The following CNTN3 variants were observed in gnomAD, a reference collection of about 807,000 sequenced individuals.
CNTN3 encodes contactin-3.
A neutral mutation model predicts 119.1 loss-of-function variants in CNTN3; 60 were observed. The ratio of observed to expected loss-of-function variants is 0.50; its 90% CI spans 0.41 to 0.62. The LOEUF is 0.62. Among genes scored for constraint, CNTN3 ranks in the 20% least tolerant of loss-of-function variants. The pLI is 0.00. For missense variants in CNTN3, 1,101 were observed against 1,242.4 expected, an observed-to-expected ratio of 0.89 and a Z score of 1.71; for synonymous variants, 450 against 438.7, an observed-to-expected ratio of 1.03 and a Z score of -0.32.
rs189530346 is a variant in CNTN3 at position 74,569,496 on chromosome 3, C to T, written c.-81+44895G>A. On this transcript the variant is annotated intron_variant, in intron 1 of 22. Transcript: ENST00000263665. Reference sequence around the variant, plus strand: ...CCCAAGCCCAGTGTCTCCCAGGGAACGTTTCTCTTGGGAGAGAAAGCTCAC... The same window carrying T: ...CCCAAGCCCAGTGTCTCCCAGGGAATGTTTCTCTTGGGAGAGAAAGCTCAC... Among the ~76,000 whole-genome samples, 279 of 152,268 alleles carry T rather than the reference C, an allele frequency of 1.8e-3. 2 individuals are homozygous for T. The highest frequency in any genetic ancestry group is 3.1e-3 in the Non-Finnish European group (212 of 68,024).
rs987421792 is a variant in CNTN3 at position 74,422,230 on chromosome 3, C to T, written c.454+2615G>A. On this transcript the variant is annotated intron_variant, in intron 5 of 22. Coordinates refer to ENST00000263665, the MANE Select transcript of CNTN3 (RefSeq NM_020872.3). ...TCCGCATTACAGACACTTGGATCAA[C>T]GAGCATCACACTTTTTAGCATCTAA... Among the ~76,000 whole-genome samples, 49 of 152,234 alleles carry T rather than the reference C, an allele frequency of 3.2e-4. 1 individual carries two copies. Among genetic ancestry groups the T allele is most frequent in the African/African-American group, 1.0e-3 (43 of 41,546 alleles).
At chr3:74,306,428 T>C (rs1702565001) in intron 13 of CNTN3, among the ~76,000 whole-genome samples, 1 of 152,126 alleles carries the variant, frequency 6.6e-6, no homozygotes, top group African/African-American at 2.4e-5. Context: ...ATACTTTGAA[T>C]AAAAAATAGC....
intron 2 of CNTN3, among the ~76,000 whole-genome samples, chr3:74,504,850 G>T (rs1703225955): frequency 6.6e-6 from 1 of 152,106 alleles, no homozygotes; most frequent in Admixed American, 6.6e-5. Context: ...GCCCAAGAGG[G>T]TGTATTCATT....
chr3:74,507,456 T>TTGTA (rs1703283078), intron 2 of CNTN3, among the ~76,000 whole-genome samples: 1 of 150,508 alleles, frequency 6.6e-6, no homozygotes, highest in Non-Finnish European at 1.5e-5. Flanking sequence ...GACTTAGTGA[T>TTGTA]TGTATTTTGT....
chr3:74,597,825 G>A (rs758220835), intron 1 of CNTN3, among the ~76,000 whole-genome samples: 96 of 152,122 alleles, frequency 6.3e-4, no homozygotes, highest in Non-Finnish European at 1.2e-3. Context: ...ATGTGGTAAT[G>A]ATGAAGAAAA....
chr3:74,523,674 A>G (rs977069064), intron 1 of CNTN3, among the ~76,000 whole-genome samples: 48 of 151,880 alleles, frequency 3.2e-4, no homozygotes, highest in Non-Finnish European at 6.0e-4. Context: ...CTAGCAAACA[A>G]TTGTGCAGTA....
chr3:74,474,578 C>T (rs1309023628), intron 4 of CNTN3, among the ~76,000 whole-genome samples: 1 of 152,064 alleles, frequency 6.6e-6, no homozygotes, highest in Non-Finnish European at 1.5e-5. Flanking sequence ...ACTGCAACCT[C>T]CATCTCCCAA....
chr3:74,417,424 C>T (rs1428557107), intron 5 of CNTN3, among the ~76,000 whole-genome samples: 1 of 152,172 alleles, frequency 6.6e-6, no homozygotes, highest in Non-Finnish European at 1.5e-5. Flanking sequence ...AGTGAAGACA[C>T]ATATTTATTA....
intron 4 of CNTN3, among the ~76,000 whole-genome samples, chr3:74,433,970 T>G (rs988291109): frequency 1.3e-5 from 2 of 152,224 alleles, no homozygotes; most frequent in African/African-American, 4.8e-5. Flanking sequence ...CTTGGCATTG[T>G]GTAGGTCATC....
chr3:74,317,289 C>A (rs1055215740), intron 13 of CNTN3, among the ~76,000 whole-genome samples: 6 of 150,230 alleles, frequency 4.0e-5, no homozygotes, highest in Admixed American at 2.7e-4. Context: ...GACTCTTTAT[C>A]CAACTTGCCA....
intron 1 of CNTN3, among the ~76,000 whole-genome samples, chr3:74,531,401 T>A (rs1316517147): frequency 6.6e-6 from 1 of 151,882 alleles, no homozygotes; most frequent in Non-Finnish European, 1.5e-5. Flanking sequence ...CATGTACAGT[T>A]ATAGACAGGA....
intron 1 of CNTN3, among the ~76,000 whole-genome samples, chr3:74,573,790 T>C (rs1394052418): frequency 6.8e-6 from 1 of 146,298 alleles, no homozygotes; most frequent in African/African-American, 2.5e-5. Flanking sequence ...AAGAGGAAAA[T>C]AACAAGTTGG....
chr3:74,603,304 G>T (rs1474637177), intron 1 of CNTN3, among the ~76,000 whole-genome samples: 2 of 152,098 alleles, frequency 1.3e-5, no homozygotes, highest in African/African-American at 4.8e-5. Context: ...CAGCTACATG[G>T]CAGCTGATAT....
rs780681127 is a variant in CNTN3 at position 74,295,243 on chromosome 3, G to A, written c.2402-7C>T. On this transcript the variant is annotated splice_polypyrimidine_tract_variant and splice_region_variant and intron_variant, in intron 18 of 22. Coordinates refer to ENST00000263665, the MANE Select transcript of CNTN3 (RefSeq NM_020872.3). ...GATGGGGCCACTGTAGGCTCTGTTCGGAAACAGAAATTGAAATATGATGAT... is the reference window on the plus strand; with the variant it reads ...GATGGGGCCACTGTAGGCTCTGTTCAGAAACAGAAATTGAAATATGATGAT... 1.9e-5 allele frequency: 28 copies of A among 1,483,472 alleles called. No individual in the cohort carries two copies. The highest frequency in any genetic ancestry group is 4.6e-5 in the East Asian group (2 of 43,888). The allele number at this position is 1,483,472 out of a possible 1,614,324, so 91.9% of individuals were successfully genotyped here.
chr3:74,596,228 G>A (rs955322526), intron 1 of CNTN3, among the ~76,000 whole-genome samples: 2 of 151,834 alleles, frequency 1.3e-5, no homozygotes, highest in Non-Finnish European at 2.9e-5. Flanking sequence ...TCATGGGTAG[G>A]AAGAATCAAT....
At chr3:74,311,991 G>A (rs549798615) in intron 13 of CNTN3, among the ~76,000 whole-genome samples, 3 of 152,094 alleles carry the variant, frequency 2.0e-5, no homozygotes, top group East Asian at 1.9e-4. Flanking sequence ...AAAACTCCAC[G>A]AAGAGCCAAT....
intron 4 of CNTN3, among the ~76,000 whole-genome samples, chr3:74,435,341 G>GT (rs577574314): frequency 2.2e-4 from 33 of 151,976 alleles, no homozygotes; most frequent in Non-Finnish European, 4.0e-4. Context: ...TCCCCAGCTA[G>GT]TTTTTTGTAT....
intron 10 of CNTN3, 58 bp from the exon 11 acceptor site, chr3:74,362,098 T>C: frequency 1.9e-6 from 3 of 1,582,118 alleles, no homozygotes; most frequent in African/African-American, 2.7e-5. Flanking sequence ...TTCTTGTCAA[T>C]TTCAAAGGTC....
intron 2 of CNTN3, among the ~76,000 whole-genome samples, chr3:74,503,495 T>C (rs373533204): frequency 6.6e-6 from 1 of 152,132 alleles, no homozygotes; most frequent in East Asian, 1.9e-4. Context: ...TTCACGGGAA[T>C]GAAATAGGTG....
Sources: allele counts gnomAD v4.1 joint callset (sites outside exome capture counted in the v4.1 genomes callset), GRCh38; gene constraint gnomAD v4.1.1; transcripts MANE v1.5; gene names NCBI Gene and HGNC (gene_info 2026-07-23, HGNC 2026-07-21).